The following CCDC148 variants were observed in gnomAD, a reference collection of about 807,000 sequenced individuals.
CCDC148 encodes coiled-coil domain containing 148.
In CCDC148, 89 loss-of-function variants were observed where a neutral mutation model predicts 85.7. The ratio of observed to expected loss-of-function variants is 1.04; its 90% CI spans 0.87 to 1.24. The LOEUF (loss-of-function observed/expected upper bound fraction) is 1.24. CCDC148 is among the 50% of genes most tolerant of loss of function. The pLI is 0.00. For missense variants in CCDC148, 692 were observed against 671.7 expected, an observed-to-expected ratio of 1.03 and a Z score of -0.33; for synonymous variants, 230 against 213.9, an observed-to-expected ratio of 1.08 and a Z score of -0.66.
At chr2:158,400,228 C>CA (rs756533164) in intron 1 of CCDC148, among the ~76,000 whole-genome samples, 11 of 151,960 alleles carry the variant, frequency 7.2e-5, no homozygotes, top group Non-Finnish European at 1.3e-4. Flanking sequence ...CATATGAAAC[C>CA]AAAAAAGAGC....
intron 7 of CCDC148, among the ~76,000 whole-genome samples, chr2:158,323,304 T>C (rs984948175): frequency 1.3e-5 from 2 of 152,166 alleles, no homozygotes; most frequent in Non-Finnish European, 2.9e-5. Flanking sequence ...TTTCAAAGAC[T>C]TCATATGAAA....
chr2:158,361,877 T>C (rs980416261), intron 1 of CCDC148, among the ~76,000 whole-genome samples: 2 of 151,662 alleles, frequency 1.3e-5, no homozygotes, highest in Admixed American at 1.3e-4. Context: ...GACTGACAAA[T>C]TGAATAAAGA....
chr2:158,223,485 C>A (rs1243257726), intron 10 of CCDC148, among the ~76,000 whole-genome samples: 1 of 152,178 alleles, frequency 6.6e-6, no homozygotes, highest in Admixed American at 6.5e-5. Context: ...GTTCTCCCAC[C>A]ACACAGCTGG....
At chr2:158,336,681 C>A (rs1020929807) in intron 7 of CCDC148, among the ~76,000 whole-genome samples, 1 of 152,118 alleles carries the variant, frequency 6.6e-6, no homozygotes, top group Admixed American at 6.6e-5. Context: ...ACTTTATATT[C>A]CTCCAAAGTA....
At chr2:158,174,560 A>C (rs1161647325) in intron 13 of CCDC148, among the ~76,000 whole-genome samples, 1 of 151,868 alleles carries the variant, frequency 6.6e-6, no homozygotes, top group Non-Finnish European at 1.5e-5. Flanking sequence ...ACGTGTCCTT[A>C]GGCAATTTTG....
intron 9 of CCDC148, among the ~76,000 whole-genome samples, chr2:158,281,596 A>C (rs1207680281): frequency 6.6e-6 from 1 of 152,218 alleles, no homozygotes; most frequent in East Asian, 1.9e-4. Context: ...GAATCTCTGA[A>C]TAGACCAATA....
chr2:158,314,052 G>C lies in CCDC148; in HGVS notation c.765-158C>G, dbSNP rs112137618. ...CAAATTTAATGTCTGTTTCAGAAAAGCTTCTAAATTCTAATGCAATGGGTT... is the reference window on the plus strand; with the variant it reads ...CAAATTTAATGTCTGTTTCAGAAAACCTTCTAAATTCTAATGCAATGGGTT... On this transcript the variant is annotated intron_variant, in intron 7 of 13. Coordinates refer to ENST00000283233, the MANE Select transcript of CCDC148 (RefSeq NM_138803.4). Among the ~76,000 whole-genome samples, 818 of 136,222 alleles carry C rather than the reference G, an allele frequency of 6.0e-3. 4 individuals carry two copies. The highest frequency in any genetic ancestry group is 0.026 in the African/African-American group (768 of 30,008). 89.4% of individuals were successfully genotyped at this position (136,222 alleles called of 152,430 possible).
At chr2:158,353,692 C>T (rs1683455900) in intron 2 of CCDC148, among the ~76,000 whole-genome samples, 1 of 152,080 alleles carries the variant, frequency 6.6e-6, no homozygotes. Context: ...AACAAGGACA[C>T]CCAGGAATTG....
intron 11 of CCDC148, among the ~76,000 whole-genome samples, chr2:158,215,513 A>G: frequency 6.6e-6 from 1 of 151,926 alleles, no homozygotes; most frequent in East Asian, 1.9e-4. Context: ...TGCACATGCC[A>G]ACAGAAGGAG....
chr2:158,221,942 T>G (rs908779601), intron 10 of CCDC148, among the ~76,000 whole-genome samples: 1 of 152,120 alleles, frequency 6.6e-6, no homozygotes, highest in Non-Finnish European at 1.5e-5. Context: ...ACAAGGAGTG[T>G]TCTAGAGTCC....
intron 1 of CCDC148, among the ~76,000 whole-genome samples, chr2:158,433,854 C>A (rs1373618926): frequency 7.2e-5 from 11 of 152,204 alleles, no homozygotes; most frequent in Non-Finnish European, 2.9e-5. Flanking sequence ...GGGTCCCACG[C>A]CCATGGAGCC....
At chr2:158,269,255 C>T (rs1269516516) in intron 9 of CCDC148, among the ~76,000 whole-genome samples, 1 of 152,074 alleles carries the variant, frequency 6.6e-6, no homozygotes, top group Non-Finnish European at 1.5e-5. Context: ...TCATGCCATC[C>T]TTTCAGGTGT....
intron 1 of CCDC148, among the ~76,000 whole-genome samples, chr2:158,381,659 C>T (rs140797835): frequency 9.1e-4 from 139 of 152,168 alleles, no homozygotes; most frequent in African/African-American, 3.1e-3. Context: ...GTCATAGCAG[C>T]GCTATCTCCA....
rs117346798 is a variant in CCDC148, at chr2:158,188,655, G to C, written c.1371-9659C>G. On this transcript the variant is annotated intron_variant, in intron 11 of 13. Coordinates refer to ENST00000283233, the MANE Select transcript of CCDC148 (RefSeq NM_138803.4). ...TATAAAACTCATAGAAGAAAATCTA[G>C]GAAATACTTTTCTATACATTGGCCT... Among the ~76,000 whole-genome samples the C allele has an allele frequency of 1.3e-3, 194 of 151,970 alleles. 1 individual carries two copies. The East Asian group carries it at 0.014, about 11-fold the overall frequency.
At chr2:158,198,443 T>C (rs763586423) in intron 11 of CCDC148, among the ~76,000 whole-genome samples, 61 of 152,342 alleles carry the variant, frequency 4.0e-4, no homozygotes, top group Non-Finnish European at 6.5e-4. Flanking sequence ...GTGTATCAAC[T>C]CTGCACCTTT....
intron 11 of CCDC148, among the ~76,000 whole-genome samples, chr2:158,192,382 T>A (rs1452936141): frequency 6.6e-6 from 1 of 152,002 alleles, no homozygotes; most frequent in East Asian, 1.9e-4. Flanking sequence ...GATGTCTGGA[T>A]TATAATTAAA....
intron 2 of CCDC148, among the ~76,000 whole-genome samples, chr2:158,355,909 C>G (rs1209939941): frequency 1.5e-5 from 2 of 131,220 alleles, no homozygotes; most frequent in Non-Finnish European, 3.1e-5. Context: ...AGAACAGAGC[C>G]CTCAGAAATA....
rs570588273 is a variant in CCDC148 at position 158,261,612 on chromosome 2, G to A, written c.1111-10700C>T. Among the ~76,000 whole-genome samples, 16 of 151,622 alleles carry A rather than the reference G, an allele frequency of 1.1e-4. No homozygotes were observed. The East Asian group carries it at 3.1e-3, about 29-fold the overall frequency. On this transcript the variant is annotated intron_variant, in intron 9 of 13. Coordinates refer to ENST00000283233, the MANE Select transcript of CCDC148 (RefSeq NM_138803.4). ...ACAGAATGGGAGAAAATATTTGCAA[G>A]CTATGCATCTGACAAAGGTCTAATA...
At chr2:158,267,407 C>G (rs1351013330) in intron 9 of CCDC148, among the ~76,000 whole-genome samples, 1 of 152,126 alleles carries the variant, frequency 6.6e-6, no homozygotes, top group African/African-American at 2.4e-5. Context: ...TTGGTATTAC[C>G]ACCATATCGA....
Sources: gnomAD v4.1 joint callset for allele counts (sites outside exome capture counted in the v4.1 genomes callset) on GRCh38, gnomAD v4.1.1 for gene constraint, MANE v1.5 for transcripts, NCBI Gene and HGNC (gene_info 2026-07-23, HGNC 2026-07-21) for gene names.